TAF3: variants seen among roughly 807,000 people sequenced by gnomAD.
TAF3 encodes TATA-box binding protein associated factor 3.
In TAF3, 7 loss-of-function variants were observed where a neutral mutation model predicts 80.6. The ratio of observed to expected loss-of-function variants is 0.09; its 90% confidence interval spans 0.05 to 0.16. The LOEUF (loss-of-function observed/expected upper bound fraction) is 0.16, where lower values mean the gene tolerates loss of function less well. TAF3 is among the 10% of genes least tolerant of loss of function. The pLI is 1.00. For missense variants in TAF3, 921 were observed against 1,140.2 expected (o/e 0.81, Z 2.77); for synonymous variants, 444 against 446.1 (o/e 1.00, Z 0.06).
intron 2 of TAF3, among the ~76,000 whole-genome samples, chr10:7,842,164 G>GTTTTTTTTTTTTTTTTTT (rs71505466): frequency 7.0e-5 from 6 of 85,384 alleles, no homozygotes; most frequent in Non-Finnish European, 9.7e-5. Flanking sequence ...TTTTTTTTTT[G>GTTTTTTTTTTTTTTTTTT]TTTTTTTTTT....
chr10:7,847,494 G>A (rs1382948866), intron 2 of TAF3, among the ~76,000 whole-genome samples: 3 of 152,194 alleles, frequency 2.0e-5, no homozygotes, highest in Non-Finnish European at 4.4e-5. Context: ...GTACAGGCTG[G>A]AGCGCAGTGG....
chr10:7,986,928 A>G (rs1831784358), intron 4 of TAF3, among the ~76,000 whole-genome samples: 1 of 152,212 alleles, frequency 6.6e-6, no homozygotes, highest in Admixed American at 6.5e-5. Flanking sequence ...AACTGCTTCA[A>G]AATATGTAAC....
At chr10:7,850,358 T>C (rs962702476) in intron 2 of TAF3, among the ~76,000 whole-genome samples, 2 of 152,164 alleles carry the variant, frequency 1.3e-5, no homozygotes, top group African/African-American at 4.8e-5. Context: ...AGCTATATCA[T>C]ACATAAATTT....
chr10:7,964,715 G>A lies in TAF3; in HGVS notation c.1205G>A (p.Arg402Gln), dbSNP rs576717027. The change falls in exon 3 of 7, where the codon CGA (arginine) becomes CAA (glutamine). Residue 402 changes from arginine (R) to glutamine (Q), a missense_variant. Transcript: ENST00000344293. The surrounding 1 kb of genome is among the most constrained non-coding windows in gnomAD (Gnocchi z 4.1). ...GTGATTGCACGAGCCTGTGCTGAGCGAGAGCCAGATCCTTTCGAATTTTCT... is the reference window on the plus strand; with the variant it reads ...GTGATTGCACGAGCCTGTGCTGAGCAAGAGCCAGATCCTTTCGAATTTTCT... ...DAVIARACAE[R>Q]EPDPFEFSSG... 2.0e-5 allele frequency: 32 copies of A among 1,614,212 alleles called. No individual in the cohort carries two copies. Among genetic ancestry groups the A allele is most frequent in the Admixed American group, 8.3e-5 (5 of 60,028 alleles).
At chr10:8,002,180 A>G (rs1409532818) in intron 4 of TAF3, among the ~76,000 whole-genome samples, 1 of 152,124 alleles carries the variant, frequency 6.6e-6, no homozygotes, top group Non-Finnish European at 1.5e-5. Flanking sequence ...TAACTCCATT[A>G]ACCAACAACT....
rs964763018 is a variant in TAF3 at position 8,014,747 on chromosome 10, A to G, written c.2786A>G (p.His929Arg). 5 of 1,590,266 alleles carry G rather than the reference A, an allele frequency of 3.1e-6. No homozygotes were observed. The African/African-American group carries it at 4.0e-5, about 13-fold the overall frequency. Reference sequence around the variant, plus strand: ...CACAAGAAGAGGAAGCATCGAGCCCACTGACGACTCCCGAGGGGCTGGACC... The same window carrying G: ...CACAAGAAGAGGAAGCATCGAGCCCGCTGACGACTCCCGAGGGGCTGGACC... ...KKHKKRKHRA[H>R] The change falls in exon 7 of 7, where the codon CAC (histidine) becomes CGC (arginine). Residue 929 changes from histidine to arginine, a missense_variant. His to Arg is a conservative substitution (Grantham distance 29). Around this residue, in one of 6 missense-constraint regions of TAF3, gnomAD observed 29 missense variants for 20.3 expected, o/e 1.43. Transcript: ENST00000344293.
Position 7,964,564 on chromosome 10 carries a change from A to T in TAF3, c.1054A>T (p.Ile352Phe). The change falls in exon 3 of 7, where the codon ATC (isoleucine) becomes TTC (phenylalanine). Residue 352 changes from isoleucine to phenylalanine, a missense_variant. Around this residue, in one of 6 missense-constraint regions of TAF3, gnomAD observed 743 missense variants for 821.0 expected, o/e 0.90. Transcript: ENST00000344293. This position sits in a 1 kb window ranked among gnomAD's most constrained non-coding sequence, Gnocchi z 4.1. ...TCCTTCAGCTACACTCAGTGAAAAA[A>T]TCAGTAAAGAGACTATCCAGGTAAA... ...RTPSATLSEK[I>F]SKETIQVKQI... The T allele has an allele frequency of 6.2e-7, 1 of 1,614,094 alleles. No individual in the cohort carries two copies. Among genetic ancestry groups the T allele is most frequent in the South Asian group, 1.1e-5 (1 of 91,070 alleles).
chr10:7,912,269 TA>T (rs986745208), intron 2 of TAF3, among the ~76,000 whole-genome samples: 1 of 151,876 alleles, frequency 6.6e-6, no homozygotes, highest in African/African-American at 2.4e-5. Context: ...GTTTTTTTAT[TA>T]AAAAAAAGAA....
intron 2 of TAF3, among the ~76,000 whole-genome samples, chr10:7,879,157 A>T (rs1161590067): frequency 2.0e-5 from 3 of 152,046 alleles, no homozygotes; most frequent in East Asian, 3.9e-4. Flanking sequence ...GTTTTTTTGA[A>T]GTGTTATTTT....
chr10:7,911,450 C>T (rs1017123451), intron 2 of TAF3, among the ~76,000 whole-genome samples: 2 of 152,240 alleles, frequency 1.3e-5, no homozygotes, highest in Non-Finnish European at 2.9e-5. Flanking sequence ...GGCAGAGAAG[C>T]AGACCCAAAG....
chr10:7,870,941 T>C (rs1295546615), intron 2 of TAF3, among the ~76,000 whole-genome samples: 2 of 152,232 alleles, frequency 1.3e-5, no homozygotes, highest in Admixed American at 6.5e-5. Context: ...TAAGTTCTTA[T>C]ATTGCTTTCA....
intron 1 of TAF3, among the ~76,000 whole-genome samples, chr10:7,822,075 A>G (rs917913470): frequency 3.3e-5 from 5 of 152,190 alleles, no homozygotes; most frequent in African/African-American, 2.4e-5. Context: ...CATGTAGTAG[A>G]AAACATTGCA....
At position 8,014,075 on chromosome 10, in the gene TAF3, T is replaced by G. The variant is rs533600155; in HGVS notation, c.2675+238T>G. Among the ~76,000 whole-genome samples the G allele has an allele frequency of 5.7e-5, 8 of 139,580 alleles. No individual in the cohort carries two copies. In the East Asian group the frequency reaches 1.3e-3, roughly 24 times the overall value. 91.6% of individuals were successfully genotyped at this position (139,580 alleles called of 152,430 possible). Reference sequence around the variant, plus strand: ...ATTCTGCTTAGCTTATCTATCCTTCTTATTAAAAATAATAATACTAAAAGG... The same window carrying G: ...ATTCTGCTTAGCTTATCTATCCTTCGTATTAAAAATAATAATACTAAAAGG... On this transcript the variant is annotated intron_variant, in intron 6 of 6. Coordinates refer to ENST00000344293, the MANE Select transcript of TAF3 (RefSeq NM_031923.4).
At chr10:7,891,602 T>C (rs1005717585) in intron 2 of TAF3, among the ~76,000 whole-genome samples, 15 of 152,238 alleles carry the variant, frequency 9.9e-5, no homozygotes, top group African/African-American at 3.4e-4. Flanking sequence ...CTGTTTTCTG[T>C]CTTTACCTTC....
Position 8,015,722 on chromosome 10 carries a change from G to T in TAF3, c.*971G>T, listed in dbSNP as rs1832097318. On this transcript the variant is annotated 3_prime_UTR_variant, in exon 7 of 7. Transcript: ENST00000344293. ...CGGAAACATGGTGGGGAAAGGGCCC[G>T]AGCAGTTGGAAGGAAAACAAGGCAA... The T allele has an allele frequency of 6.6e-6, 1 of 152,072 alleles. No individual in the cohort carries two copies. 9.4% of individuals were successfully genotyped at this position (152,072 alleles called of 1,614,324 possible). A position where few individuals can be genotyped will look rare whatever the true frequency, so the allele number is the denominator to read the frequency against.
chr10:7,845,821 TGAC>T (rs896154172), intron 2 of TAF3, among the ~76,000 whole-genome samples: 1 of 152,210 alleles, frequency 6.6e-6, no homozygotes, highest in African/African-American at 2.4e-5. Context: ...ATTGCTTTCT[TGAC>T]ATTTCAGATT....
chr10:7,920,291 T>C (rs533232530), intron 2 of TAF3, among the ~76,000 whole-genome samples: 2 of 149,892 alleles, frequency 1.3e-5, no homozygotes, highest in South Asian at 4.2e-4. Context: ...TTAAAAAATT[T>C]AAACATACGT....
chr10:7,952,572 T>C (rs1007506922), intron 2 of TAF3, among the ~76,000 whole-genome samples: 3 of 152,218 alleles, frequency 2.0e-5, no homozygotes, highest in African/African-American at 7.2e-5. Flanking sequence ...ACATATAGAT[T>C]AGGCCATTTA....
Position 7,960,929 on chromosome 10 carries a change from T to C in TAF3, c.410-2991T>C, listed in dbSNP as rs573262889. Reference sequence around the variant, plus strand: ...TGTGCAGTAGCCTCAGAAGGGGTTCTACAAACCCTCAATTTCCAAGGGATG... The same window carrying C: ...TGTGCAGTAGCCTCAGAAGGGGTTCCACAAACCCTCAATTTCCAAGGGATG... On this transcript the variant is annotated intron_variant, in intron 2 of 6. Coordinates refer to ENST00000344293, the MANE Select transcript of TAF3 (RefSeq NM_031923.4). 3.9e-5 allele frequency among the ~76,000 whole-genome samples: 6 copies of C among 152,326 alleles called. No homozygotes were observed. In the South Asian group the frequency reaches 1.2e-3, roughly 32 times the overall value.
Sources: allele counts gnomAD v4.1 joint callset (sites outside exome capture counted in the v4.1 genomes callset), GRCh38; gene constraint gnomAD v4.1.1; regional missense constraint gnomAD v4.1.1; non-coding constraint Gnocchi (gnomAD v3.1); transcripts MANE v1.5; gene names NCBI Gene and HGNC (gene_info 2026-07-23, HGNC 2026-07-21).